Variants in SNAPC3 observed in about 807,000 individuals in gnomAD.
The protein encoded by SNAPC3 is snRNA-activating protein complex subunit 3.
In SNAPC3, 56 loss-of-function variants were observed where a neutral mutation model predicts 47.7. The ratio of observed to expected loss-of-function variants is 1.18; its 90% CI spans 0.95 to 1.47. The LOEUF is 1.47. SNAPC3 is among the 40% of genes most tolerant of loss of function. The pLI is 0.00. For synonymous variants in SNAPC3, 235 were observed against 189.9 expected (o/e 1.24, Z -1.95); for missense variants, 665 against 511.3 (o/e 1.30, Z -2.90).
At chr9:15,436,110 C>G (rs1264287310) in intron 3 of SNAPC3, among the ~76,000 whole-genome samples, 2 of 152,236 alleles carry the variant, frequency 1.3e-5, no homozygotes, top group Non-Finnish European at 2.9e-5. Context: ...TCCCAAAGTG[C>G]TGGGATTACA....
At chr9:15,432,437 C>T (rs1041467640) in intron 2 of SNAPC3, among the ~76,000 whole-genome samples, 2 of 152,014 alleles carry the variant, frequency 1.3e-5, no homozygotes, top group Non-Finnish European at 2.9e-5. Context: ...GGAACTAGGG[C>T]TCTTACAAGT....
intron 8 of SNAPC3, among the ~76,000 whole-genome samples, chr9:15,459,046 T>C (rs1055284366): frequency 2.0e-5 from 3 of 152,192 alleles, no homozygotes; most frequent in African/African-American, 7.2e-5. Context: ...TCAGTTTGTT[T>C]TCGCCACCCC....
At chr9:15,444,526 C>T in intron 3 of SNAPC3, 76 bp from the exon 4 acceptor site, 1 of 889,842 alleles carries the variant, frequency 1.1e-6, no homozygotes. Flanking sequence ...CGATCCCTTG[C>T]TGATAGCCAT....
Position 15,444,662 on chromosome 9 carries a change from C to G in SNAPC3, c.538C>G (p.Leu180Val), listed in dbSNP as rs759721239. Residue 180 changes from leucine (L) to valine (V), a missense_variant, in exon 4 of 9, where the codon CTT becomes GTT. By Grantham distance (32) the Leu-to-Val change is conservative. Transcript: ENST00000380821. Reference sequence around the variant, plus strand: ...AGCAGACATGATTGAAGAAGGGGAGCTTATCCTATCTGTGAATATCTTGTA... The same window carrying G: ...AGCAGACATGATTGAAGAAGGGGAGGTTATCCTATCTGTGAATATCTTGTA... ...NSADMIEEGE[L>V]ILSVNILYPV... 1.9e-6 allele frequency: 3 copies of G among 1,611,728 alleles called. No individual in the cohort carries two copies. In the African/African-American group the frequency reaches 4.0e-5, roughly 22 times the overall value.
intron 2 of SNAPC3, among the ~76,000 whole-genome samples, chr9:15,425,235 T>C (rs1157166858): frequency 6.6e-6 from 1 of 152,202 alleles, no homozygotes; most frequent in Non-Finnish European, 1.5e-5. Context: ...CGTTATTTTT[T>C]TGAGATGCAG....
At chr9:15,446,281 A>G (rs1466727649) in intron 4 of SNAPC3, among the ~76,000 whole-genome samples, 5 of 152,170 alleles carry the variant, frequency 3.3e-5, no homozygotes, top group African/African-American at 1.2e-4. Context: ...CAGCAGTACA[A>G]TCATGGCTCA....
At chr9:15,433,522 A>ATTTTTTT in intron 2 of SNAPC3, 30 bp from the exon 3 acceptor site, 2 of 1,153,944 alleles carry the variant, frequency 1.7e-6, no homozygotes, top group Non-Finnish European at 2.4e-6. Flanking sequence ...TTGAACTTTG[A>ATTTTTTT]TTTTTTTTTT....
At chr9:15,429,871 C>T (rs575805253) in intron 2 of SNAPC3, among the ~76,000 whole-genome samples, 90 of 151,816 alleles carry the variant, frequency 5.9e-4, no homozygotes, top group Non-Finnish European at 9.7e-4. Flanking sequence ...AAAATGATTC[C>T]GAAAAGCTAA....
chr9:15,440,701 G>A (rs1477368362), intron 3 of SNAPC3, among the ~76,000 whole-genome samples: 5 of 152,162 alleles, frequency 3.3e-5, no homozygotes, highest in Non-Finnish European at 7.4e-5. Context: ...TGTAATCCCA[G>A]CACTTTGGGA....
chr9:15,431,768 G>A (rs1325893547), intron 2 of SNAPC3: 1 of 151,642 alleles, frequency 6.6e-6, no homozygotes, highest in African/African-American at 2.4e-5. Context: ...GATGTAGGGG[G>A]AACCCAAAAC....
chr9:15,423,128 T>C lies in SNAPC3; in HGVS notation c.249T>C (p.Asp83=), dbSNP rs2030789171. 6.4e-7 allele frequency: 1 copy of C among 1,557,090 alleles called. No homozygotes were observed. The highest frequency in any genetic ancestry group is 8.6e-7 in the Non-Finnish European group (1 of 1,163,000). The change falls in exon 1 of 9, where the codon GAT becomes GAC. Residue 83 remains aspartate, a synonymous_variant. Coordinates refer to ENST00000380821, the MANE Select transcript of SNAPC3 (RefSeq NM_001039697.2). ...AGGCAGCTGACTCCGACCGGGAGGA[T>C]GCCGCGGTGGCCAGGGATCTGGACT... ...GSQAADSDRE[D]AAVARDLDCS...
rs544551809 is a variant in SNAPC3 at position 15,425,177 on chromosome 9, G to T, written c.392+1191G>T. 3.3e-5 allele frequency among the ~76,000 whole-genome samples: 5 copies of T among 152,196 alleles called. No homozygotes were observed. The East Asian group carries it at 9.6e-4, about 29-fold the overall frequency. On this transcript the variant is annotated intron_variant, in intron 2 of 8. Coordinates refer to ENST00000380821, the MANE Select transcript of SNAPC3 (RefSeq NM_001039697.2). Reference sequence around the variant, plus strand: ...CTTTCAGATGGCTCAGGATGCATGTGGCCTCTCTCCCATCTGAAACATACC... The same window carrying T: ...CTTTCAGATGGCTCAGGATGCATGTTGCCTCTCTCCCATCTGAAACATACC...
At chr9:15,441,090 C>A (rs986192127) in intron 3 of SNAPC3, among the ~76,000 whole-genome samples, 17 of 151,622 alleles carry the variant, frequency 1.1e-4, no homozygotes, top group Non-Finnish European at 1.5e-5. Context: ...ATTTGGTTTC[C>A]TTTAGCTAAC....
At chr9:15,458,555 C>G (rs1214887397) in intron 8 of SNAPC3, among the ~76,000 whole-genome samples, 1 of 152,130 alleles carries the variant, frequency 6.6e-6, no homozygotes, top group African/African-American at 2.4e-5. Flanking sequence ...AAAACTTCAT[C>G]AATAAAACCA....
intron 3 of SNAPC3, among the ~76,000 whole-genome samples, chr9:15,442,426 C>G (rs566488124): frequency 1.4e-5 from 2 of 147,826 alleles, no homozygotes; most frequent in Non-Finnish European, 3.0e-5. Flanking sequence ...GGGCGGCTGC[C>G]GGGCGGAGGG....
At chr9:15,449,995 T>G (rs889546480) in intron 5 of SNAPC3, among the ~76,000 whole-genome samples, 4 of 152,182 alleles carry the variant, frequency 2.6e-5, no homozygotes, top group Non-Finnish European at 5.9e-5. Context: ...TGGCAGTGTT[T>G]TGTAAAACAC....
At chr9:15,451,651 C>T (rs573462459) in intron 6 of SNAPC3, among the ~76,000 whole-genome samples, 4 of 152,188 alleles carry the variant, frequency 2.6e-5, no homozygotes, top group African/African-American at 9.6e-5. Context: ...TATAATCTCG[C>T]CTGTGAATAC....
intron 3 of SNAPC3, among the ~76,000 whole-genome samples, chr9:15,438,013 G>A (rs1010977509): frequency 2.6e-5 from 4 of 152,114 alleles, no homozygotes; most frequent in Non-Finnish European, 5.9e-5. Context: ...GTTAGGAAGT[G>A]TTTACTCCTT....
chr9:15,447,624 A>G (rs1410206620), intron 5 of SNAPC3, among the ~76,000 whole-genome samples: 1 of 152,046 alleles, frequency 6.6e-6, no homozygotes, highest in East Asian at 1.9e-4. Context: ...TTTTCTAAGC[A>G]GTTGGTCACT....
Sources: gnomAD v4.1 joint callset for allele counts (sites outside exome capture counted in the v4.1 genomes callset) on GRCh38, gnomAD v4.1.1 for gene constraint, MANE v1.5 for transcripts, NCBI Gene and HGNC (gene_info 2026-07-23, HGNC 2026-07-21) for gene names.